Variants in ZFYVE1 observed in about 807,000 individuals in gnomAD.
ZFYVE1 encodes the protein zinc finger FYVE domain-containing protein 1.
A neutral mutation model predicts 74.4 loss-of-function variants in ZFYVE1; 30 were observed. The observed-to-expected ratio is 0.40, with a 90% CI of 0.30 to 0.55. The LOEUF is 0.55. Among genes scored for constraint, ZFYVE1 ranks in the 20% least tolerant of loss-of-function variants. The pLI is 0.42. For missense variants in ZFYVE1, 703 were observed against 1,011.6 expected, an observed-to-expected ratio of 0.69 and a Z score of 4.14; for synonymous variants, 335 against 385.1, an observed-to-expected ratio of 0.87 and a Z score of 1.52.
Position 72,969,604 on chromosome 14 carries a change from C to G in ZFYVE1, c.*1278G>C, listed in dbSNP as rs193191626. Reference sequence around the variant, plus strand: ...CACCGATAGGCGCACCAGGAATGACCGCCATATACTTCCCTAAAGCTCAAC... The same window carrying G: ...CACCGATAGGCGCACCAGGAATGACGGCCATATACTTCCCTAAAGCTCAAC... On this transcript the variant is annotated 3_prime_UTR_variant, in exon 12 of 12. Transcript: ENST00000556143. The G allele has an allele frequency of 6.5e-4, 430 of 666,422 alleles. 2 individuals are homozygous for G. The Middle Eastern group carries it at 0.012, about 18-fold the overall frequency. The allele number at this position is 666,422 out of a possible 1,614,324, so 41.3% of individuals were successfully genotyped here.
At chr14:72,997,332 G>A (rs560541659) in intron 3 of ZFYVE1, among the ~76,000 whole-genome samples, 15 of 152,188 alleles carry the variant, frequency 9.9e-5, no homozygotes, top group African/African-American at 3.6e-4. Flanking sequence ...ACAGAACTCT[G>A]TCAAAGAATT....
At chr14:72,974,396 C>T (rs1893111432) in intron 10 of ZFYVE1, among the ~76,000 whole-genome samples, 1 of 152,214 alleles carries the variant, frequency 6.6e-6, no homozygotes, top group African/African-American at 2.4e-5. Flanking sequence ...TAGCTGCAAC[C>T]TTCTGGGGCT....
rs562719402 is a variant in ZFYVE1, at chr14:72,981,969, C to T, written c.1204-74G>A. On this transcript the variant is annotated intron_variant, in intron 4 of 11. Transcript: ENST00000556143. ...GCACTTTGGCCCCCCACTGCAGGCA[C>T]CGTACAAGCAACACAGGCACAGAAG... is the stretch of plus-strand genomic sequence containing the variant. 100 of 1,288,480 alleles carry T rather than the reference C, an allele frequency of 7.8e-5. No homozygotes were observed. In the African/African-American group the frequency reaches 1.3e-3, roughly 17 times the overall value. The allele number at this position is 1,288,480 out of a possible 1,614,324, so 79.8% of individuals were successfully genotyped here.
chr14:72,980,531 T>TG lies in ZFYVE1; in HGVS notation c.1310+1257_1310+1258insC, dbSNP rs1567347194. ...ATGAACATCAGCATCACCTGAGAAT[T>TG]AATTAATTTATTTATTTATTTATTT... On this transcript the variant is annotated intron_variant, in intron 5 of 11. Transcript: ENST00000556143. 7.6e-5 allele frequency among the ~76,000 whole-genome samples: 8 copies of TG among 105,402 alleles called. No homozygotes were observed. In the East Asian group the frequency reaches 1.5e-3, roughly 20 times the overall value. The allele number at this position is 105,402 out of a possible 152,430, so 69.1% of individuals were successfully genotyped here. A position where few individuals can be genotyped will look rare whatever the true frequency, so the allele number is the denominator to read the frequency against.
chr14:72,993,270 T>C lies in ZFYVE1; in HGVS notation c.1076A>G (p.Tyr359Cys), dbSNP rs1476938207. 6.2e-7 allele frequency: 1 copy of C among 1,613,508 alleles called. No homozygotes were observed. Among genetic ancestry groups the C allele is most frequent in the Non-Finnish European group, 8.5e-7 (1 of 1,179,952 alleles). Reference protein sequence around the residue: ...RFPEAFSSIHYKGTRTYNPPT... With the variant: ...RFPEAFSSIHCKGTRTYNPPT... Reference sequence around the variant, plus strand: ...AGGGTTGTAAGTCCTCGTTCCCTTGTAGTGAATGGAACTAAAGGCTTCAGG... The same window carrying C: ...AGGGTTGTAAGTCCTCGTTCCCTTGCAGTGAATGGAACTAAAGGCTTCAGG... Residue 359 changes from tyrosine (Y) to cysteine (C), a missense_variant, in exon 4 of 12, where the codon TAC becomes TGC. Physicochemically the swap from Tyr to Cys is radical, Grantham distance 194 (BLOSUM62 -2). Transcript: ENST00000556143.
chr14:72,975,063 G>A lies in ZFYVE1; in HGVS notation c.1807-104C>T. 7.6e-7 allele frequency: 1 copy of A among 1,307,986 alleles called. No individual in the cohort carries two copies. Among genetic ancestry groups the A allele is most frequent in the Non-Finnish European group, 1.0e-6 (1 of 962,576 alleles). 81.0% of individuals were successfully genotyped at this position (1,307,986 alleles called of 1,614,324 possible). A position where few individuals can be genotyped will look rare whatever the true frequency, so the allele number is the denominator to read the frequency against. On this transcript the variant is annotated intron_variant, in intron 9 of 11. Coordinates refer to ENST00000556143, the MANE Select transcript of ZFYVE1 (RefSeq NM_021260.4). The surrounding 1 kb of genome is among the most constrained non-coding windows in gnomAD (Gnocchi z 4.1). ...CCGGAGCAAGCAGAAACTAAGGCAG[G>A]TGGCGTTAGCTCAACAAGGACAAGA...
intron 2 of ZFYVE1, among the ~76,000 whole-genome samples, chr14:73,004,999 A>G (rs2140374253): frequency 6.6e-6 from 1 of 151,750 alleles, no homozygotes; most frequent in East Asian, 1.9e-4. Context: ...GTCTCAAAAA[A>G]AAAAAAAAAA....
intron 2 of ZFYVE1, among the ~76,000 whole-genome samples, chr14:73,016,282 C>T (rs1279054929): frequency 1.3e-5 from 2 of 152,220 alleles, no homozygotes; most frequent in Non-Finnish European, 2.9e-5. Context: ...GAGGCCAAGG[C>T]AGGCGGATCA....
intron 2 of ZFYVE1, among the ~76,000 whole-genome samples, chr14:73,003,710 GA>G (rs764168409): frequency 3.7e-4 from 53 of 143,830 alleles, no homozygotes; most frequent in South Asian, 8.8e-4. Flanking sequence ...ACTCTAACTG[GA>G]AAAAAAAAAA....
At chr14:72,997,388 T>C (rs1018863587) in intron 3 of ZFYVE1, among the ~76,000 whole-genome samples, 2 of 152,084 alleles carry the variant, frequency 1.3e-5, no homozygotes, top group African/African-American at 4.8e-5. Context: ...TTTAGAGACA[T>C]AGCCTCACTA....
chr14:73,022,909 T>C (rs1245652316), intron 2 of ZFYVE1, among the ~76,000 whole-genome samples: 3 of 151,894 alleles, frequency 2.0e-5, no homozygotes, highest in Non-Finnish European at 4.4e-5. Flanking sequence ...GCGCCTGTAA[T>C]CCCAGCACTC....
chr14:72,987,597 A>C (rs1187902400), intron 4 of ZFYVE1, among the ~76,000 whole-genome samples: 1 of 152,222 alleles, frequency 6.6e-6, no homozygotes, highest in Admixed American at 6.5e-5. Context: ...ACCTATACAA[A>C]TTCAACTATG....
At chr14:73,017,709 T>C (rs1894230381) in intron 2 of ZFYVE1, among the ~76,000 whole-genome samples, 1 of 152,082 alleles carries the variant, frequency 6.6e-6, no homozygotes, top group Non-Finnish European at 1.5e-5. Context: ...TGTCTCTCCA[T>C]TTCCCCATCT....
At chr14:72,989,371 T>C (rs1594841957) in intron 4 of ZFYVE1, among the ~76,000 whole-genome samples, 1 of 152,178 alleles carries the variant, frequency 6.6e-6, no homozygotes, top group South Asian at 2.1e-4. Flanking sequence ...TTATAACATA[T>C]ATTTATGCAT....
At chr14:72,971,547 C>G (rs117131775) in intron 11 of ZFYVE1, among the ~76,000 whole-genome samples, 1 of 152,054 alleles carries the variant, frequency 6.6e-6, no homozygotes. Flanking sequence ...GGGCTGGTCT[C>G]GAACTCCTAG....
At position 73,006,295 on chromosome 14, in the gene ZFYVE1, C is replaced by A. The variant is rs113617439; in HGVS notation, c.484-7980G>T. Among the ~76,000 whole-genome samples, 987 of 148,322 alleles carry A rather than the reference C, an allele frequency of 6.7e-3. 10 individuals carry two copies. The highest frequency in any genetic ancestry group is 0.022 in the African/African-American group (919 of 40,874). On this transcript the variant is annotated intron_variant, in intron 2 of 11. Transcript: ENST00000556143. Reference sequence around the variant, plus strand: ...TAATATTGTACTAATCTTTACGAGGCTGGGCGTGGTGGCTCACGCCTGTAA... The same window carrying A: ...TAATATTGTACTAATCTTTACGAGGATGGGCGTGGTGGCTCACGCCTGTAA...
chr14:72,970,772 GGA>G lies in ZFYVE1; in HGVS notation c.*108_*109del. ...GGGAAAGTGGCCCTGGATGCGGAGAGGAGAGGACACACACCACAGCAGGTGAC... is the reference window on the plus strand; with the variant it reads ...GGGAAAGTGGCCCTGGATGCGGAGAGGAGGACACACACCACAGCAGGTGAC... On this transcript the variant is annotated 3_prime_UTR_variant, in exon 12 of 12. Transcript: ENST00000556143. 8.2e-7 allele frequency: 1 copy of G among 1,213,650 alleles called. No homozygotes were observed. The highest frequency in any genetic ancestry group is 1.2e-6 in the Non-Finnish European group (1 of 865,370). The allele number at this position is 1,213,650 out of a possible 1,614,324, so 75.2% of individuals were successfully genotyped here.
intron 5 of ZFYVE1, among the ~76,000 whole-genome samples, chr14:72,979,857 A>G (rs1482391650): frequency 6.6e-6 from 1 of 152,158 alleles, no homozygotes; most frequent in Non-Finnish European, 1.5e-5. Flanking sequence ...ACCAACCCCA[A>G]AATTTGGCAA....
chr14:72,979,331 C>T (rs1258338610), intron 5 of ZFYVE1: 1 of 204,564 alleles, frequency 4.9e-6, no homozygotes, highest in Non-Finnish European at 1.0e-5. Flanking sequence ...GAAACATCGA[C>T]TCTACCAAAA....
Sources: gnomAD v4.1 joint callset for allele counts (sites outside exome capture counted in the v4.1 genomes callset) on GRCh38, gnomAD v4.1.1 for gene constraint, Gnocchi (gnomAD v3.1) non-coding constraint, MANE v1.5 for transcripts, NCBI Gene and HGNC (gene_info 2026-07-23, HGNC 2026-07-21) for gene names.